Variants in DNAJC6 observed in about 807,000 individuals in gnomAD.
DNAJC6 encodes the protein DnaJ heat shock protein family (Hsp40) member C6.
DNAJC6 carries 34 observed loss-of-function variants against 110.0 expected under a neutral mutation model. That is an observed-to-expected ratio of 0.31 (90% CI 0.24 to 0.41). DNAJC6 has a LOEUF of 0.41. DNAJC6 is among the 10% of genes least tolerant of loss of function. The pLI is 1.00. For synonymous variants in DNAJC6, 406 were observed against 437.2 expected (o/e 0.93, Z 0.89); for missense variants, 1,031 against 1,207.8 (o/e 0.85, Z 2.17).
chr1:65,370,078 C>G (rs1052505103), intron 4 of DNAJC6, among the ~76,000 whole-genome samples: 4 of 151,868 alleles, frequency 2.6e-5, no homozygotes, highest in African/African-American at 9.7e-5. Flanking sequence ...TCTTTATAGC[C>G]AATATCCACC....
At position 65,356,607 on chromosome 1, in the gene DNAJC6, A is replaced by C. The variant is rs1234762418; in HGVS notation, c.194-8028A>C. 2.6e-5 allele frequency among the ~76,000 whole-genome samples: 4 copies of C among 151,708 alleles called. No individual in the cohort carries two copies. In the East Asian group the frequency reaches 7.7e-4, roughly 29 times the overall value. On this transcript the variant is annotated intron_variant, in intron 1 of 18. Transcript: ENST00000371069. ...AAATAAAATAAAATAAAATAAAATA[A>C]ATTTAAAAAAATAAAAATTTCTGGT...
intron 4 of DNAJC6, among the ~76,000 whole-genome samples, chr1:65,378,598 TAA>T (rs955537931): frequency 8.5e-5 from 13 of 152,338 alleles, no homozygotes; most frequent in African/African-American, 3.1e-4. Context: ...GCTAGATTAG[TAA>T]GTATGTAATC....
intron 1 of DNAJC6, among the ~76,000 whole-genome samples, chr1:65,296,433 A>T (rs1292076210): frequency 2.0e-5 from 3 of 152,146 alleles, no homozygotes; most frequent in Admixed American, 6.6e-5. Flanking sequence ...TGGTCAGAAA[A>T]CCAGTCTCCT....
chr1:65,391,305 T>C (rs746679174), intron 11 of DNAJC6, among the ~76,000 whole-genome samples: 2 of 152,208 alleles, frequency 1.3e-5, no homozygotes, highest in Non-Finnish European at 2.9e-5. Flanking sequence ...TTATTACATT[T>C]TATAATTTGG....
chr1:65,282,481 G>T (rs1653884309), intron 1 of DNAJC6, among the ~76,000 whole-genome samples: 1 of 152,128 alleles, frequency 6.6e-6, no homozygotes. Flanking sequence ...TCCTCCTCTG[G>T]GTTTAGGGGA....
At chr1:65,299,785 C>T (rs1370919133) in intron 1 of DNAJC6, among the ~76,000 whole-genome samples, 1 of 152,066 alleles carries the variant, frequency 6.6e-6, no homozygotes, top group Non-Finnish European at 1.5e-5. Flanking sequence ...CACGGTGGCT[C>T]ATGCCTGCAA....
At chr1:65,347,203 C>T (rs938111270) in intron 1 of DNAJC6, among the ~76,000 whole-genome samples, 3 of 152,002 alleles carry the variant, frequency 2.0e-5, no homozygotes, top group South Asian at 2.1e-4. Flanking sequence ...TGTATATGTA[C>T]GTATACACAA....
rs1311451386 is a variant in DNAJC6, at chr1:65,303,628, G to A, written c.-131+38696G>A. ...GGCTGGAGTGCAGTGGCATGATCTC[G>A]GCTCACTGCAACCTCTGCCTCCCAG... On this transcript the variant is annotated intron_variant, in intron 1 of 19. Coordinates refer to the DNAJC6 transcript ENST00000263441. Among the ~76,000 whole-genome samples the A allele has an allele frequency of 5.9e-5, 9 of 151,688 alleles. No individual in the cohort carries two copies. In the East Asian group the frequency reaches 1.2e-3, roughly 20 times the overall value.
chr1:65,348,685 T>C (rs920334138), intron 1 of DNAJC6, among the ~76,000 whole-genome samples: 1 of 151,764 alleles, frequency 6.6e-6, no homozygotes, highest in Non-Finnish European at 1.5e-5. Flanking sequence ...AGACAGCATA[T>C]AATTTGTGTT....
At chr1:65,342,519 G>A (rs538228184) in intron 1 of DNAJC6, among the ~76,000 whole-genome samples, 18 of 152,188 alleles carry the variant, frequency 1.2e-4, no homozygotes, top group South Asian at 6.2e-4. Flanking sequence ...GGACTTTCTC[G>A]TCTCCAGAAC....
chr1:65,352,224 G>A (rs1373953889), intron 1 of DNAJC6, among the ~76,000 whole-genome samples: 1 of 152,102 alleles, frequency 6.6e-6, no homozygotes, highest in Non-Finnish European at 1.5e-5. Flanking sequence ...ATATTCTATT[G>A]AGTATTAAAG....
At chr1:65,300,378 C>T (rs1644967978) in intron 1 of DNAJC6, among the ~76,000 whole-genome samples, 1 of 152,104 alleles carries the variant, frequency 6.6e-6, no homozygotes, top group Admixed American at 6.5e-5. Flanking sequence ...TACCACCTAC[C>T]CTCCTTTTTA....
At chr1:65,287,516 A>G (rs1654059726) in intron 1 of DNAJC6, among the ~76,000 whole-genome samples, 1 of 152,140 alleles carries the variant, frequency 6.6e-6, no homozygotes, top group Non-Finnish European at 1.5e-5. Flanking sequence ...TTTGGAGACT[A>G]GGTCCATTTT....
At chr1:65,335,267 C>T (rs940780037) in intron 1 of DNAJC6, among the ~76,000 whole-genome samples, 3 of 129,062 alleles carry the variant, frequency 2.3e-5, no homozygotes, top group African/African-American at 9.7e-5. Context: ...ACCACCCACG[C>T]CCAGCTAATT....
At chr1:65,389,768 C>T (rs1645908185) in intron 11 of DNAJC6, 141 bp downstream of exon 11, 3 of 893,876 alleles carry the variant, frequency 3.4e-6, no homozygotes, top group Non-Finnish European at 3.5e-6. Flanking sequence ...CACCTGTAAG[C>T]CCAGCACTTT....
At position 65,273,643 on chromosome 1, in the gene DNAJC6, A is replaced by G. The variant is rs770924539; in HGVS notation, c.-131+8711A>G. 9.9e-5 allele frequency among the ~76,000 whole-genome samples: 15 copies of G among 152,278 alleles called. No homozygotes were observed. In the East Asian group the frequency reaches 1.7e-3, roughly 18 times the overall value. On this transcript the variant is annotated intron_variant, in intron 1 of 19. Transcript: ENST00000263441. ...GCTATATATATAATATCCTTTAAGC[A>G]TAGCTTTTGTGTACACCTGCAAGTA... is the stretch of plus-strand genomic sequence containing the variant.
intron 1 of DNAJC6, among the ~76,000 whole-genome samples, chr1:65,349,462 G>T (rs12092793): frequency 0.038 from 5,761 of 151,992 alleles, 229 homozygotes; most frequent in African/African-American, 0.096. Flanking sequence ...TGGTAACATT[G>T]CCCTTAAGGC....
chr1:65,388,428 T>G lies in DNAJC6; in HGVS notation c.1193+13T>G. The G allele has an allele frequency of 6.2e-7, 1 of 1,611,790 alleles. No homozygotes were observed. Among genetic ancestry groups the G allele is most frequent in the Non-Finnish European group, 8.5e-7 (1 of 1,178,040 alleles). On this transcript the variant is annotated intron_variant, in intron 9 of 18. Transcript: ENST00000371069. ...TAAAGTTCACCAAGTAAGTACTGGT[T>G]GGGCCAAAAGTCTATTTGAATCAAA...
intron 1 of DNAJC6, among the ~76,000 whole-genome samples, chr1:65,280,162 A>G (rs1653800336): frequency 6.6e-6 from 1 of 152,210 alleles, no homozygotes; most frequent in Non-Finnish European, 1.5e-5. Context: ...AAATGTATAT[A>G]TACTCTTAAA....
Sources: allele counts gnomAD v4.1 joint callset (sites outside exome capture counted in the v4.1 genomes callset), GRCh38; gene constraint gnomAD v4.1.1; transcripts MANE v1.5; gene names NCBI Gene and HGNC (gene_info 2026-07-23, HGNC 2026-07-21).